The following ACSF2 variants were observed in gnomAD, a reference collection of about 807,000 sequenced individuals.
The protein encoded by ACSF2 is medium-chain acyl-CoA ligase ACSF2, mitochondrial.
ACSF2 carries 52 observed loss-of-function variants against 79.3 expected under a neutral mutation model. That is an observed-to-expected ratio of 0.66 (90% confidence interval 0.53 to 0.83). ACSF2 has a LOEUF of 0.83. Among genes scored for constraint, ACSF2 ranks in the 40% least tolerant of loss-of-function variants. The pLI is 0.00. For synonymous variants in ACSF2, 283 were observed against 312.6 expected, an observed-to-expected ratio of 0.91 and a Z score of 1.00; for missense variants, 661 against 803.3, an observed-to-expected ratio of 0.82 and a Z score of 2.14.
chr17:50,452,386 A>C (rs1230464624), intron 1 of ACSF2, among the ~76,000 whole-genome samples: 1 of 152,210 alleles, frequency 6.6e-6, no homozygotes, highest in African/African-American at 2.4e-5. Flanking sequence ...TGGGAGGCTA[A>C]GATGGGAAGA....
chr17:50,474,018 CTCA>C lies in ACSF2; in HGVS notation c.1728+15_1728+17del. 1 of 1,522,276 alleles carries C rather than the reference CTCA, an allele frequency of 6.6e-7. No homozygotes were observed. The highest frequency in any genetic ancestry group is 8.8e-7 in the Non-Finnish European group (1 of 1,134,204). The allele number at this position is 1,522,276 out of a possible 1,614,324, so 94.3% of individuals were successfully genotyped here. ...TGCAAAGGGAAGGTGGGAGCCTCCGCTCAACCTAGCTGATGCTGCTCTGTTCTT... is the reference window on the plus strand; with the variant it reads ...TGCAAAGGGAAGGTGGGAGCCTCCGCACCTAGCTGATGCTGCTCTGTTCTT... On this transcript the variant is annotated intron_variant, in intron 14 of 15. Transcript: ENST00000300441. This position sits in a 1 kb window ranked among gnomAD's most constrained non-coding sequence, Gnocchi z 4.2.
intron 1 of ACSF2, among the ~76,000 whole-genome samples, chr17:50,445,414 C>G (rs2031233518): frequency 1.3e-5 from 2 of 152,066 alleles, no homozygotes; most frequent in South Asian, 4.1e-4. Flanking sequence ...GTTCAGATAC[C>G]CTGCAGATTT....
intron 1 of ACSF2, among the ~76,000 whole-genome samples, chr17:50,459,199 G>A (rs533103261): frequency 2.0e-5 from 3 of 152,260 alleles, no homozygotes; most frequent in Admixed American, 1.3e-4. Context: ...CATCCCCTTC[G>A]AGCCAAAGAG....
At chr17:50,438,903 G>T (rs1276660336) in intron 1 of ACSF2, among the ~76,000 whole-genome samples, 1 of 152,100 alleles carries the variant, frequency 6.6e-6, no homozygotes, top group Admixed American at 6.6e-5. Context: ...TGAATCCACA[G>T]ATGCAGAAAC....
intron 1 of ACSF2, among the ~76,000 whole-genome samples, chr17:50,452,262 T>C (rs981929467): frequency 2.6e-5 from 4 of 152,198 alleles, no homozygotes; most frequent in Admixed American, 2.6e-4. Context: ...CTGCTGTTTT[T>C]CCTCTAACTC....
Position 50,471,620 on chromosome 17 carries a change from T to A in ACSF2, c.1323+485T>A, listed in dbSNP as rs552743348. On this transcript the variant is annotated intron_variant, in intron 11 of 15. Coordinates refer to ENST00000300441, the MANE Select transcript of ACSF2 (RefSeq NM_025149.6). This position sits in a 1 kb window ranked among gnomAD's most constrained non-coding sequence, Gnocchi z 4.1. Reference sequence around the variant, plus strand: ...AAGGTTGCCCCAGAGTGCACCTGAATCTCAAATGCCCAGCCATGCCTCCTT... The same window carrying A: ...AAGGTTGCCCCAGAGTGCACCTGAAACTCAAATGCCCAGCCATGCCTCCTT... 1.1e-4 allele frequency: 19 copies of A among 167,052 alleles called. No individual in the cohort carries two copies. Among genetic ancestry groups the A allele is most frequent in the Admixed American group, 5.1e-4 (9 of 17,642 alleles). 10.3% of individuals were successfully genotyped at this position (167,052 alleles called of 1,614,324 possible). A position where few individuals can be genotyped will look rare whatever the true frequency, so the allele number is the denominator to read the frequency against.
At chr17:50,468,131 T>G in intron 10 of ACSF2, 1 of 1,614,156 alleles carries the variant, frequency 6.2e-7, no homozygotes, top group South Asian at 1.1e-5. Context: ...CAGGGGGTTG[T>G]GGGACAGCTT....
chr17:50,463,577 T>A lies in ACSF2; in HGVS notation c.1046+25T>A. ...GGTGGGCACTGGTGGACAGGCTACT[T>A]GTGGGCTGATAAAACCCTCTTCTTC... On this transcript the variant is annotated intron_variant, in intron 8 of 15. Coordinates refer to ENST00000300441, the MANE Select transcript of ACSF2 (RefSeq NM_025149.6). The surrounding 1 kb of genome is among the most constrained non-coding windows in gnomAD (Gnocchi z 4.6). The A allele has an allele frequency of 6.2e-7, 1 of 1,610,788 alleles. No homozygotes were observed. Among genetic ancestry groups the A allele is most frequent in the Non-Finnish European group, 8.5e-7 (1 of 1,178,118 alleles).
chr17:50,435,671 C>T (rs561037119), intron 1 of ACSF2, among the ~76,000 whole-genome samples: 7 of 152,310 alleles, frequency 4.6e-5, no homozygotes, highest in Non-Finnish European at 1.0e-4. Context: ...CTCAGCCTCC[C>T]AAAGTGCTAA....
rs1355883526 is a variant in ACSF2 at position 50,468,456 on chromosome 17, C to T, written c.1216-2572C>T. On this transcript the variant is annotated intron_variant, in intron 10 of 15. Coordinates refer to ENST00000300441, the MANE Select transcript of ACSF2 (RefSeq NM_025149.6). Reference sequence around the variant, plus strand: ...AGGTAGGTCAGCTCGGTCAGGTCGTCGAAGGCACCTGCGCGCAGCACGCGG... The same window carrying T: ...AGGTAGGTCAGCTCGGTCAGGTCGTTGAAGGCACCTGCGCGCAGCACGCGG... The T allele has an allele frequency of 2.5e-6, 4 of 1,614,008 alleles. No homozygotes were observed. The East Asian group carries it at 6.7e-5, about 27-fold the overall frequency.
intron 10 of ACSF2, among the ~76,000 whole-genome samples, chr17:50,467,556 C>G (rs950162077): frequency 2.6e-5 from 4 of 152,332 alleles, no homozygotes; most frequent in African/African-American, 7.2e-5. Context: ...CCCCCACTCC[C>G]CCTTAGCACA....
chr17:50,461,825 G>C, intron 4 of ACSF2, 139 bp downstream of exon 4: 1 of 1,160,466 alleles, frequency 8.6e-7, no homozygotes. Context: ...CTTAGGCCAT[G>C]TGTGATTGGA....
chr17:50,442,743 G>A (rs910673912), intron 1 of ACSF2, among the ~76,000 whole-genome samples: 2 of 152,150 alleles, frequency 1.3e-5, no homozygotes, highest in African/African-American at 4.8e-5. Flanking sequence ...GGGATTATAG[G>A]TCGTGAGCCA....
rs767231964 is a variant in ACSF2, at chr17:50,460,824, C to T, written c.276C>T (p.Val92=). ...AQRVPEREAL[V]VLHEDVRLTF... ...GGGTCCCAGAACGAGAGGCCTTGGT[C>T]GTCCTCCATGAAGACGTCAGGTTGA... The change falls in exon 2 of 16, where the codon GTC becomes GTT. Residue 92 remains valine (V), a synonymous_variant. Coordinates refer to ENST00000300441, the MANE Select transcript of ACSF2 (RefSeq NM_025149.6). 8.1e-6 allele frequency: 13 copies of T among 1,611,964 alleles called. No individual in the cohort carries two copies. Among genetic ancestry groups the T allele is most frequent in the South Asian group, 5.5e-5 (5 of 90,566 alleles).
chr17:50,468,223 G>A (rs774373489), intron 10 of ACSF2: 1 of 1,612,930 alleles, frequency 6.2e-7, no homozygotes, highest in East Asian at 2.2e-5. Flanking sequence ...GGAATTTGGC[G>A]AGGTTCTCCA....
intron 1 of ACSF2, among the ~76,000 whole-genome samples, chr17:50,445,614 G>C (rs1328110564): frequency 6.6e-6 from 1 of 152,024 alleles, no homozygotes; most frequent in Non-Finnish European, 1.5e-5. Flanking sequence ...GGGCAACATA[G>C]GGAGACACTC....
Position 50,471,041 on chromosome 17 carries a change from C to A in ACSF2, c.1229C>A (p.Thr410Asn). 6 of 1,614,110 alleles carry A rather than the reference C, an allele frequency of 3.7e-6. No individual in the cohort carries two copies. Among genetic ancestry groups the A allele is most frequent in the Non-Finnish European group, 5.1e-6 (6 of 1,179,964 alleles). Residue 410 changes from threonine (T) to asparagine (N), a missense_variant, in exon 11 of 16, where the codon ACC (threonine) becomes AAC (asparagine). Physicochemically the swap from Thr to Asn is moderately conservative, Grantham distance 65. Transcript: ENST00000300441. The surrounding 1 kb of genome is among the most constrained non-coding windows in gnomAD (Gnocchi z 4.1). ...NMKDLVVAYG[T>N]TENSPVTFAH... Reference sequence around the variant, plus strand: ...TGGACCCTCTAGGTTGCTTATGGAACCACAGAGAACAGTCCCGTGACATTC... The same window carrying A: ...TGGACCCTCTAGGTTGCTTATGGAAACACAGAGAACAGTCCCGTGACATTC...
intron 9 of ACSF2, 104 bp downstream of exon 9, chr17:50,464,013 A>AAG: frequency 1.0e-6 from 1 of 970,094 alleles, no homozygotes; most frequent in Non-Finnish European, 1.6e-6. Context: ...TATAGGGGGC[A>AAG]AGAAGGACGC....
chr17:50,453,817 C>T (rs2031822184), intron 1 of ACSF2, among the ~76,000 whole-genome samples: 1 of 150,894 alleles, frequency 6.6e-6, no homozygotes, highest in South Asian at 2.1e-4. Context: ...CTGAGACAGG[C>T]TCTTGCTCTG....
Sources: allele counts gnomAD v4.1 joint callset (sites outside exome capture counted in the v4.1 genomes callset), GRCh38; gene constraint gnomAD v4.1.1; non-coding constraint Gnocchi (gnomAD v3.1); transcripts MANE v1.5; gene names NCBI Gene and HGNC (gene_info 2026-07-23, HGNC 2026-07-21).